FRAS1: variants seen among roughly 807,000 people sequenced by gnomAD.
FRAS1 encodes extracellular matrix organizing protein FRAS1.
Under a neutral mutation model 435.2 loss-of-function variants are expected in FRAS1, and 290 were observed. That is an observed-to-expected ratio of 0.67 (90% CI 0.61 to 0.73). FRAS1 has a LOEUF of 0.73. Ranked by LOEUF, FRAS1 falls within the 30% of genes least tolerant of loss-of-function variation. FRAS1 has a pLI of 0.00. For missense variants in FRAS1, 4,860 were observed against 5,001.5 expected (o/e 0.97, Z 0.85); for synonymous variants, 1,800 against 1,851.0 (o/e 0.97, Z 0.71).
intron 1 of FRAS1, among the ~76,000 whole-genome samples, chr4:78,061,124 G>T (rs1739742467): frequency 6.6e-6 from 1 of 152,082 alleles, no homozygotes; most frequent in African/African-American, 2.4e-5. Context: ...TAGGATTACA[G>T]GTGTGAGCCA....
At chr4:78,309,020 C>G (rs1560644729) in intron 15 of FRAS1, among the ~76,000 whole-genome samples, 1 of 152,108 alleles carries the variant, frequency 6.6e-6, no homozygotes, top group African/African-American at 2.4e-5. Flanking sequence ...TCTGGGTAAG[C>G]CCCATGCAAT....
intron 20 of FRAS1, among the ~76,000 whole-genome samples, chr4:78,362,696 A>G (rs1003611893): frequency 9.2e-5 from 14 of 152,230 alleles, no homozygotes; most frequent in East Asian, 3.8e-4. Flanking sequence ...GGGGTTACAC[A>G]GAAAATTGAA....
chr4:78,480,280 A>G (rs12509281), intron 56 of FRAS1, among the ~76,000 whole-genome samples: 20,981 of 151,808 alleles, frequency 0.14, 1,531 homozygotes, highest in East Asian at 0.25. Context: ...CTTCTACAAC[A>G]TGGATGGAAG....
chr4:78,481,422 C>G (rs747043802), intron 56 of FRAS1, among the ~76,000 whole-genome samples: 1 of 152,176 alleles, frequency 6.6e-6, no homozygotes, highest in Non-Finnish European at 1.5e-5. Context: ...CCCTGAGGCC[C>G]CAGGCTCTAA....
chr4:78,536,140 C>T (rs7700192), intron 71 of FRAS1, among the ~76,000 whole-genome samples: 37,590 of 150,870 alleles, frequency 0.25, 5,154 homozygotes, highest in African/African-American at 0.36. Context: ...ACATAGGAAA[C>T]GGCCTACACC....
chr4:78,335,878 C>T (rs887728817), intron 19 of FRAS1, among the ~76,000 whole-genome samples: 4 of 145,146 alleles, frequency 2.8e-5, no homozygotes, highest in Non-Finnish European at 6.0e-5. Context: ...AATTTAAGGA[C>T]TTTATTGTAG....
chr4:78,228,709 C>T (rs1724377414), intron 2 of FRAS1, among the ~76,000 whole-genome samples: 1 of 152,198 alleles, frequency 6.6e-6, no homozygotes, highest in Admixed American at 6.5e-5. Flanking sequence ...TTTTCTATAG[C>T]TCTAAATGCT....
intron 2 of FRAS1, among the ~76,000 whole-genome samples, chr4:78,175,002 A>G (rs897016696): frequency 2.6e-5 from 4 of 152,230 alleles, no homozygotes; most frequent in African/African-American, 9.6e-5. Flanking sequence ...TGTGCTGTGA[A>G]GATTTTCATT....
At chr4:78,524,960 C>A (rs1721487189) in intron 69 of FRAS1, among the ~76,000 whole-genome samples, 2 of 152,108 alleles carry the variant, frequency 1.3e-5, no homozygotes, top group South Asian at 4.1e-4. Flanking sequence ...GTTGGCTATG[C>A]AGAAACATGG....
intron 2 of FRAS1, among the ~76,000 whole-genome samples, chr4:78,175,552 T>C (rs1721732885): frequency 1.3e-5 from 2 of 152,120 alleles, no homozygotes; most frequent in South Asian, 2.1e-4. Flanking sequence ...GGGCAGGGCA[T>C]TGTATAGGGA....
At chr4:78,175,891 A>G (rs549477303) in intron 2 of FRAS1, among the ~76,000 whole-genome samples, 24 of 152,274 alleles carry the variant, frequency 1.6e-4, no homozygotes, top group African/African-American at 5.8e-4. Flanking sequence ...GAGCATGGGT[A>G]GATGGAAATG....
intron 14 of FRAS1, among the ~76,000 whole-genome samples, chr4:78,293,291 C>G (rs1487446905): frequency 6.6e-6 from 1 of 152,158 alleles, no homozygotes. Context: ...TTCTGAATTT[C>G]ACATGGTGCT....
chr4:78,140,150 A>G (rs1578148608), intron 2 of FRAS1, among the ~76,000 whole-genome samples: 1 of 152,300 alleles, frequency 6.6e-6, no homozygotes. Context: ...ATAAATCCTA[A>G]TAATATCACT....
At chr4:78,269,563 A>G (rs1452391583) in intron 9 of FRAS1, among the ~76,000 whole-genome samples, 2 of 152,200 alleles carry the variant, frequency 1.3e-5, no homozygotes, top group African/African-American at 2.4e-5. Context: ...TCATTATCAC[A>G]CTGGTTATCA....
intron 58 of FRAS1, among the ~76,000 whole-genome samples, chr4:78,486,667 TACA>T: frequency 6.6e-6 from 1 of 152,222 alleles, no homozygotes; most frequent in South Asian, 2.1e-4. Context: ...ATGCCTGACT[TACA>T]ACATAAATCC....
intron 59 of FRAS1, among the ~76,000 whole-genome samples, chr4:78,495,885 T>C (rs1437972010): frequency 6.6e-6 from 1 of 152,104 alleles, no homozygotes; most frequent in Admixed American, 6.6e-5. Flanking sequence ...ATACAAAAGA[T>C]GTGGTAGAGG....
chr4:78,402,842 C>A (rs1481942752), intron 30 of FRAS1, among the ~76,000 whole-genome samples: 1 of 152,152 alleles, frequency 6.6e-6, no homozygotes, highest in East Asian at 1.9e-4. Context: ...TTGAAGAGTG[C>A]TGGTCAGATA....
At chr4:78,464,729 A>T (rs1578340054) in intron 49 of FRAS1, 146 bp downstream of exon 49, 1 of 838,064 alleles carries the variant, frequency 1.2e-6, no homozygotes, top group East Asian at 2.8e-5. Context: ...TACAGAAGAT[A>T]CCAGGGCCTT....
chr4:78,242,315 C>G, intron 3 of FRAS1, among the ~76,000 whole-genome samples: 1 of 152,302 alleles, frequency 6.6e-6, no homozygotes, highest in Non-Finnish European at 1.5e-5. Flanking sequence ...TTTACTCTAC[C>G]ATGTTGCTTT....
Sources: allele counts gnomAD v4.1 joint callset (sites outside exome capture counted in the v4.1 genomes callset), GRCh38; gene constraint gnomAD v4.1.1; transcripts MANE v1.5; gene names NCBI Gene and HGNC (gene_info 2026-07-23, HGNC 2026-07-21).